ERC1: variants seen among roughly 807,000 people sequenced by gnomAD.
ERC1 encodes ELKS/RAB6-interacting/CAST family member 1, also known as RAB6 interacting protein 2.
In ERC1, 56 loss-of-function variants were observed where a neutral mutation model predicts 132.0. The observed-to-expected ratio is 0.42, with a 90% confidence interval of 0.34 to 0.53. The LOEUF (loss-of-function observed/expected upper bound fraction) is 0.53, where lower values mean the gene tolerates loss of function less well. Ranked by LOEUF, ERC1 falls within the 20% of genes least tolerant of loss-of-function variation. The probability of loss-of-function intolerance (pLI) is 0.03; values close to 1 mark genes in which losing one functional copy is unlikely to be tolerated. For synonymous variants in ERC1, 478 were observed against 476.1 expected (o/e 1.00, Z -0.05); for missense variants, 1,202 against 1,349.9 (o/e 0.89, Z 1.72).
intron 2 of ERC1, among the ~76,000 whole-genome samples, chr12:1,063,005 T>C (rs1407701166): frequency 6.6e-6 from 1 of 152,248 alleles, no homozygotes; most frequent in African/African-American, 2.4e-5. Flanking sequence ...TTGATATAAA[T>C]ATAGCTACTC....
intron 18 of ERC1, among the ~76,000 whole-genome samples, chr12:1,447,165 A>G (rs2093324136): frequency 6.6e-6 from 1 of 152,194 alleles, no homozygotes; most frequent in African/African-American, 2.4e-5. Context: ...GAAACAAGGC[A>G]CATGGCTATT....
intron 12 of ERC1, among the ~76,000 whole-genome samples, chr12:1,199,882 T>C (rs1458044333): frequency 3.3e-5 from 5 of 151,980 alleles, no homozygotes. Context: ...ATCAACAAGA[T>C]TAGCCCAAAT....
At chr12:1,062,280 C>A (rs892260557) in intron 2 of ERC1, among the ~76,000 whole-genome samples, 1 of 151,952 alleles carries the variant, frequency 6.6e-6, no homozygotes, top group Non-Finnish European at 1.5e-5. Flanking sequence ...ATGCGCCCGG[C>A]CTTTTCTTTT....
In ERC1 at chr12:1,490,314, T is replaced by G; in HGVS notation, c.*84T>G. The G allele has an allele frequency of 7.2e-7, 1 of 1,393,494 alleles. No individual in the cohort carries two copies. The highest frequency in any genetic ancestry group is 9.8e-7 in the Non-Finnish European group (1 of 1,016,844). 86.3% of individuals were successfully genotyped at this position (1,393,494 alleles called of 1,614,324 possible). A position where few individuals can be genotyped will look rare whatever the true frequency, so the allele number is the denominator to read the frequency against. On this transcript the variant is annotated 3_prime_UTR_variant, in exon 19 of 19. Coordinates refer to ENST00000360905, the MANE Select transcript of ERC1 (RefSeq NM_178040.4). Reference sequence around the variant, plus strand: ...GAGGAACAGGTGCCCGGAACCTTCTTGGCACCAAACACTACAAACTTCATC... The same window carrying G: ...GAGGAACAGGTGCCCGGAACCTTCTGGGCACCAAACACTACAAACTTCATC...
intron 2 of ERC1, among the ~76,000 whole-genome samples, chr12:1,047,881 CT>C (rs1247948686): frequency 2.0e-5 from 3 of 151,348 alleles, no homozygotes; most frequent in African/African-American, 7.3e-5. Flanking sequence ...TTTAATTGTT[CT>C]ATGATTTTAC....
intron 16 of ERC1, among the ~76,000 whole-genome samples, chr12:1,378,798 G>A (rs2088255605): frequency 3.9e-5 from 6 of 152,158 alleles, no homozygotes; most frequent in Admixed American, 3.9e-4. Flanking sequence ...AAAATTTAAG[G>A]AATATGAGGG....
chr12:1,411,767 T>C (rs2091866058), intron 17 of ERC1, among the ~76,000 whole-genome samples: 1 of 152,188 alleles, frequency 6.6e-6, no homozygotes, highest in African/African-American at 2.4e-5. Context: ...GCTTCTTAGC[T>C]TCCTTCAGCT....
chr12:1,180,647 G>A lies in ERC1; in HGVS notation c.1845G>A (p.Leu615=), dbSNP rs1240063314. The change falls in exon 9 of 19, where the codon TTG becomes TTA. Residue 615 remains leucine, a synonymous_variant. Transcript: ENST00000360905. ...QADTTNTDTA[L]TTLEEALAEK... ...ACACCACCAACACTGACACTGCCTT[G>A]ACAACTTTGGAGGAGGCCCTTGCAG... 2 of 1,613,986 alleles carry A rather than the reference G, an allele frequency of 1.2e-6. No homozygotes were observed. Among genetic ancestry groups the A allele is most frequent in the African/African-American group, 1.3e-5 (1 of 74,886 alleles).
chr12:1,265,338 C>T (rs2077409211), intron 14 of ERC1, among the ~76,000 whole-genome samples: 2 of 152,062 alleles, frequency 1.3e-5, no homozygotes, highest in Non-Finnish European at 2.9e-5. Context: ...GGGATACAGA[C>T]TTCTGTTATG....
chr12:1,097,225 T>A (rs1032775595), intron 3 of ERC1, among the ~76,000 whole-genome samples: 1 of 152,202 alleles, frequency 6.6e-6, no homozygotes, highest in Non-Finnish European at 1.5e-5. Context: ...TTTTCCTACT[T>A]CGTGTGTATA....
rs188350835 is a variant in ERC1 at position 1,324,541 on chromosome 12, G to T, written c.2780+34529G>T. On this transcript the variant is annotated intron_variant, in intron 15 of 18. Transcript: ENST00000360905. ...GCCTCAGTCTCAGAGACGGTCACTG[G>T]GGTAATCCAGTCAGAGAGGGAGCAT... Among the ~76,000 whole-genome samples the T allele has an allele frequency of 5.3e-4, 81 of 152,202 alleles. No individual in the cohort carries two copies. In the East Asian group the frequency reaches 0.015, roughly 29 times the overall value.
At chr12:1,139,536 G>A (rs1949670798) in intron 7 of ERC1, among the ~76,000 whole-genome samples, 1 of 152,062 alleles carries the variant, frequency 6.6e-6, no homozygotes, top group Admixed American at 6.6e-5. Flanking sequence ...GTGTGTATAG[G>A]GTTTGATACT....
chr12:1,427,813 G>C (rs2092684112), intron 17 of ERC1, among the ~76,000 whole-genome samples: 1 of 152,198 alleles, frequency 6.6e-6, no homozygotes, highest in Non-Finnish European at 1.5e-5. Context: ...CCCTTTGCCT[G>C]ACATATAGGA....
chr12:1,124,704 G>A (rs1947953637), intron 7 of ERC1, among the ~76,000 whole-genome samples: 2 of 151,946 alleles, frequency 1.3e-5, no homozygotes. Flanking sequence ...ATTTGAAAAA[G>A]GTTAATAGGA....
intron 7 of ERC1, among the ~76,000 whole-genome samples, chr12:1,139,056 T>C (rs966828872): frequency 2.6e-5 from 4 of 152,238 alleles, no homozygotes; most frequent in African/African-American, 9.6e-5. Context: ...AGGATTTTAA[T>C]GTATATACAG....
chr12:1,125,043 G>A lies in ERC1; in HGVS notation c.1569+9010G>A, dbSNP rs114650237. Among the ~76,000 whole-genome samples the A allele has an allele frequency of 3.9e-3, 584 of 151,366 alleles. 3 individuals carry two copies. The highest frequency in any genetic ancestry group is 0.013 in the African/African-American group (554 of 41,234). On this transcript the variant is annotated intron_variant, in intron 7 of 18. Transcript: ENST00000360905. ...AGATTCTTGCTCTTTCGCCTAGGCC[G>A]GAGTGCAGTGGCACAATCTTGGCTC... is the stretch of plus-strand genomic sequence containing the variant.
intron 1 of ERC1, among the ~76,000 whole-genome samples, chr12:1,021,403 C>G (rs1966344335): frequency 6.6e-6 from 1 of 151,886 alleles, no homozygotes; most frequent in Admixed American, 6.6e-5. Context: ...CTACTTACTA[C>G]TTACTATAAA....
Position 1,083,450 on chromosome 12 carries a change from A to G in ERC1, c.956A>G (p.Lys319Arg). 1.2e-6 allele frequency: 2 copies of G among 1,614,216 alleles called. No homozygotes were observed. The highest frequency in any genetic ancestry group is 1.7e-6 in the Non-Finnish European group (2 of 1,180,038). ...IKKLLEMLQS[K>R]GLSAKATEED... Reference sequence around the variant, plus strand: ...AAGCTTCTGGAAATGTTGCAGAGCAAAGGACTTTCTGCCAAGGCTACCGAG... The same window carrying G: ...AAGCTTCTGGAAATGTTGCAGAGCAGAGGACTTTCTGCCAAGGCTACCGAG... Residue 319 changes from lysine (K) to arginine (R), a missense_variant, in exon 3 of 19, where the codon AAA becomes AGA. By Grantham distance (26) the Lys-to-Arg change is conservative. Coordinates refer to ENST00000360905, the MANE Select transcript of ERC1 (RefSeq NM_178040.4).
At chr12:1,174,683 A>G (rs1482755373) in intron 8 of ERC1, among the ~76,000 whole-genome samples, 1 of 152,252 alleles carries the variant, frequency 6.6e-6, no homozygotes, top group African/African-American at 2.4e-5. Context: ...TTTGTATATT[A>G]GGTAGGCTCA....
Sources: allele counts gnomAD v4.1 joint callset (sites outside exome capture counted in the v4.1 genomes callset), GRCh38; gene constraint gnomAD v4.1.1; transcripts MANE v1.5; gene names NCBI Gene and HGNC (gene_info 2026-07-23, HGNC 2026-07-21).